Variants in CSNK2A2 observed in about 807,000 individuals in gnomAD.
CSNK2A2 encodes casein kinase 2 alpha 2.
Under a neutral mutation model 54.0 loss-of-function variants are expected in CSNK2A2, and 8 were observed. That is an observed-to-expected ratio of 0.15 (90% confidence interval 0.09 to 0.27). The LOEUF (loss-of-function observed/expected upper bound fraction) is 0.27, where lower values mean the gene tolerates loss of function less well. Ranked by LOEUF, CSNK2A2 falls within the 10% of genes least tolerant of loss-of-function variation. The probability of loss-of-function intolerance (pLI) is 1.00; values close to 1 mark genes in which losing one functional copy is unlikely to be tolerated. For missense variants in CSNK2A2, 242 were observed against 439.4 expected, an observed-to-expected ratio of 0.55 and a Z score of 4.02; for synonymous variants, 141 against 153.9, an observed-to-expected ratio of 0.92 and a Z score of 0.62.
chr16:58,165,496 CA>C, intron 10 of CSNK2A2, 63 bp downstream of exon 10: 1 of 1,472,430 alleles, frequency 6.8e-7, no homozygotes, highest in Non-Finnish European at 9.1e-7. Context: ...GTCTCAAAGA[CA>C]AAGAGTGGAA....
In CSNK2A2 at chr16:58,167,670, T is replaced by C; in HGVS notation, c.624+15A>G. Reference sequence around the variant, plus strand: ...AAGTATAAATAACCCAGAATAGCTCTGCTAACAAGTTTACCTGATAGTCCA... The same window carrying C: ...AAGTATAAATAACCCAGAATAGCTCCGCTAACAAGTTTACCTGATAGTCCA... On this transcript the variant is annotated intron_variant, in intron 7 of 11. Coordinates refer to ENST00000262506, the MANE Select transcript of CSNK2A2 (RefSeq NM_001896.4). 6.3e-7 allele frequency: 1 copy of C among 1,590,338 alleles called. No individual in the cohort carries two copies. The highest frequency in any genetic ancestry group is 1.1e-5 in the South Asian group (1 of 90,642).
chr16:58,157,932 A>C lies in CSNK2A2; in HGVS notation c.*439T>G, dbSNP rs895885729. 4 of 152,262 alleles carry C rather than the reference A, an allele frequency of 2.6e-5. No individual in the cohort carries two copies. Among genetic ancestry groups the C allele is most frequent in the Non-Finnish European group, 4.4e-5 (3 of 68,002 alleles). 9.4% of individuals were successfully genotyped at this position (152,262 alleles called of 1,614,324 possible). On this transcript the variant is annotated 3_prime_UTR_variant, in exon 12 of 12. Coordinates refer to ENST00000262506, the MANE Select transcript of CSNK2A2 (RefSeq NM_001896.4). ...TTTCTTTTAAAACCTTTTATTCAAT[A>C]ATATATACTTTTAAAATAATAATAT... is the stretch of plus-strand genomic sequence containing the variant.
intron 2 of CSNK2A2, among the ~76,000 whole-genome samples, chr16:58,195,359 A>C (rs1207549948): frequency 6.6e-6 from 1 of 152,134 alleles, no homozygotes; most frequent in African/African-American, 2.4e-5. Context: ...CTAGGCTAGG[A>C]TGTTTTGAGT....
chr16:58,174,323 G>A (rs1567467281), intron 5 of CSNK2A2, 128 bp downstream of exon 5: 2 of 656,202 alleles, frequency 3.0e-6, no homozygotes, highest in Non-Finnish European at 5.0e-6. Context: ...CTCAATATAA[G>A]TTTAAAAACT....
intron 2 of CSNK2A2, among the ~76,000 whole-genome samples, chr16:58,188,772 A>T (rs1962256230): frequency 6.6e-6 from 1 of 152,204 alleles, no homozygotes; most frequent in African/African-American, 2.4e-5. Flanking sequence ...GAAATACATA[A>T]CATAAATGTC....
intron 4 of CSNK2A2, among the ~76,000 whole-genome samples, chr16:58,176,368 T>C (rs1472448794): frequency 6.6e-6 from 1 of 152,204 alleles, no homozygotes; most frequent in African/African-American, 2.4e-5. Flanking sequence ...ACAGTATTTC[T>C]AGCTACAAAA....
At chr16:58,179,532 G>A (rs538971292) in intron 4 of CSNK2A2, among the ~76,000 whole-genome samples, 18 of 151,812 alleles carry the variant, frequency 1.2e-4, no homozygotes, top group African/African-American at 4.3e-4. Flanking sequence ...GAGAGGGTGA[G>A]GGGACAGGGA....
Position 58,165,578 on chromosome 16 carries a change from T to C in CSNK2A2, c.958A>G (p.Met320Val). 4 of 1,613,656 alleles carry C rather than the reference T, an allele frequency of 2.5e-6. No homozygotes were observed. Among genetic ancestry groups the C allele is most frequent in the Middle Eastern group, 1.7e-4 (1 of 6,058 alleles). The stretch of plus-strand genomic sequence containing the variant: ...GACTCACAGAAGTATGGGTGCTCCA[T>C]GGCCTCTTTGGCAGTCAGTCTCTGT... ...HQQRLTAKEA[M>V]EHPYFYPVVK... The change falls in exon 10 of 12, where the codon ATG becomes GTG. Residue 320 changes from methionine to valine, a missense_variant. Physicochemically the swap from Met to Val is conservative, Grantham distance 21. Around this residue, in one of 5 missense-constraint regions of CSNK2A2, gnomAD observed 81 missense variants for 135.0 expected, o/e 0.60. Transcript: ENST00000262506.
intron 4 of CSNK2A2, among the ~76,000 whole-genome samples, chr16:58,182,998 A>C (rs534872899): frequency 1.3e-5 from 2 of 152,304 alleles, no homozygotes; most frequent in South Asian, 4.1e-4. Context: ...TTGTTTTATA[A>C]GTCAAAATAT....
chr16:58,170,297 G>A (rs1397746381), intron 5 of CSNK2A2, among the ~76,000 whole-genome samples: 1 of 151,908 alleles, frequency 6.6e-6, no homozygotes, highest in Non-Finnish European at 1.5e-5. Context: ...CCTGCTATTT[G>A]CTGGTATAGA....
At chr16:58,180,077 T>G (rs1277562394) in intron 4 of CSNK2A2, among the ~76,000 whole-genome samples, 1 of 74,332 alleles carries the variant, frequency 1.3e-5, no homozygotes, top group Non-Finnish European at 2.4e-5. Flanking sequence ...AGACTCCTTC[T>G]CAAAAAAAAA....
chr16:58,167,793 C>T lies in CSNK2A2; in HGVS notation c.516G>A (p.Leu172=). The part of the protein sequence containing the change: ...NVMIDHQQKK[L]RLIDWGLAEF... Reference sequence around the variant, plus strand: ...CTGCCAGACCCCAATCTATCAGTCGCAGCTACAAATAGGACAGAAAAAAAC... The same window carrying T: ...CTGCCAGACCCCAATCTATCAGTCGTAGCTACAAATAGGACAGAAAAAAAC... Residue 172 remains leucine (L), a splice_region_variant and synonymous_variant, in exon 7 of 12, where the codon CTG becomes CTA. Coordinates refer to ENST00000262506, the MANE Select transcript of CSNK2A2 (RefSeq NM_001896.4). 1 of 1,613,400 alleles carries T rather than the reference C, an allele frequency of 6.2e-7. No homozygotes were observed. Among genetic ancestry groups the T allele is most frequent in the Non-Finnish European group, 8.5e-7 (1 of 1,179,370 alleles).
intron 4 of CSNK2A2, among the ~76,000 whole-genome samples, chr16:58,180,854 TAAAA>T (rs1962018910): frequency 6.6e-6 from 1 of 152,100 alleles, no homozygotes; most frequent in East Asian, 1.9e-4. Context: ...ACACTAAAAT[TAAAA>T]AGACAAAAAA....
chr16:58,192,580 C>T (rs1044413763), intron 2 of CSNK2A2: 1 of 152,174 alleles, frequency 6.6e-6, no homozygotes, highest in African/African-American at 2.4e-5. Flanking sequence ...CTATAGCCCT[C>T]GAGGACTCTT....
At position 58,174,483 on chromosome 16, in the gene CSNK2A2, C is replaced by T; in HGVS notation, c.397G>A (p.Asp133Asn). Residue 133 changes from aspartate (D) to asparagine (N), a missense_variant, in exon 5 of 12, where the codon GAT becomes AAT. Around this residue, in one of 5 missense-constraint regions of CSNK2A2, gnomAD observed 69 missense variants for 97.0 expected, o/e 0.71. Transcript: ENST00000262506. ...KQLYQILTDFDIRFYMYELLK... is the reference protein window; with the variant it reads ...KQLYQILTDFNIRFYMYELLK... ...AGTTCATACATATAAAACCGGATAT[C>T]AAAGTCTGTCAGGATCTGGTAGAGT... is the stretch of plus-strand genomic sequence containing the variant. 1 of 1,612,738 alleles carries T rather than the reference C, an allele frequency of 6.2e-7. No homozygotes were observed. Among genetic ancestry groups the T allele is most frequent in the Non-Finnish European group, 8.5e-7 (1 of 1,179,498 alleles).
At chr16:58,190,435 C>T (rs1397153809) in intron 2 of CSNK2A2, among the ~76,000 whole-genome samples, 2 of 152,088 alleles carry the variant, frequency 1.3e-5, no homozygotes, top group Non-Finnish European at 2.9e-5. Context: ...TGTAGAAGGA[C>T]AGAGTAAAAA....
chr16:58,164,038 A>G lies in CSNK2A2; in HGVS notation c.*17+16T>C. 6.3e-7 allele frequency: 1 copy of G among 1,594,594 alleles called. No individual in the cohort carries two copies. The highest frequency in any genetic ancestry group is 8.6e-7 in the Non-Finnish European group (1 of 1,165,040). ...TGGTTGGTTGGTTTTATTGGCAAGC[A>G]TCAATGCCGCATTACCCGTCGCTTT... On this transcript the variant is annotated intron_variant, in intron 11 of 11. Transcript: ENST00000262506.
At chr16:58,181,460 C>T (rs903986732) in intron 4 of CSNK2A2, among the ~76,000 whole-genome samples, 1 of 152,170 alleles carries the variant, frequency 6.6e-6, no homozygotes, top group African/African-American at 2.4e-5. Flanking sequence ...ATCCTTGAGA[C>T]AGGGGCTGAT....
At chr16:58,186,305 G>C (rs1487848894) in intron 3 of CSNK2A2, among the ~76,000 whole-genome samples, 1 of 152,232 alleles carries the variant, frequency 6.6e-6, no homozygotes, top group African/African-American at 2.4e-5. Flanking sequence ...TTCTTCACAG[G>C]GTCAGTGGAG....
Sources: allele counts gnomAD v4.1 joint callset (sites outside exome capture counted in the v4.1 genomes callset), GRCh38; gene constraint gnomAD v4.1.1; regional missense constraint gnomAD v4.1.1; transcripts MANE v1.5; gene names NCBI Gene and HGNC (gene_info 2026-07-23, HGNC 2026-07-21).